The following RGS12 variants were observed in gnomAD, a reference collection of about 807,000 sequenced individuals.
RGS12 encodes the protein regulator of G-protein signaling 12.
RGS12 carries 66 observed loss-of-function variants against 120.1 expected under a neutral mutation model. The observed-to-expected ratio is 0.55, with a 90% confidence interval of 0.45 to 0.67. RGS12 has a LOEUF of 0.67. RGS12 is among the 30% of genes least tolerant of loss of function. RGS12 has a pLI of 0.00. For synonymous variants in RGS12, 827 were observed against 804.7 expected (o/e 1.03, Z -0.47); for missense variants, 1,859 against 1,957.7 (o/e 0.95, Z 0.95).
At chr4:3,430,977 TCCA>T in intron 17 of RGS12, 22 bp downstream of exon 17, 1 of 1,609,762 alleles carries the variant, frequency 6.2e-7, no homozygotes, top group Non-Finnish European at 8.5e-7. Flanking sequence ...TTCTGATCCC[TCCA>T]CCTTGGCCCC....
At chr4:3,364,563 C>G (rs1716102557) in intron 3 of RGS12, among the ~76,000 whole-genome samples, 1 of 151,964 alleles carries the variant, frequency 6.6e-6, no homozygotes, top group Admixed American at 6.6e-5. Flanking sequence ...GCTCGTGGCC[C>G]CCGGAAACGA....
At position 3,326,359 on chromosome 4, in the gene RGS12, G is replaced by A. The variant is rs1053726373; in HGVS notation, c.1881+8308G>A. Among the ~76,000 whole-genome samples the A allele has an allele frequency of 5.3e-5, 8 of 152,084 alleles. No homozygotes were observed. In the East Asian group the frequency reaches 7.7e-4, roughly 15 times the overall value. On this transcript the variant is annotated intron_variant, in intron 2 of 17. Transcript: ENST00000336727. ...ACTCTTGGACTCAAGGGATCCTCCC[G>A]CCTCAGCCTCCCAAGTAGCTAGAAC...
chr4:3,373,735 GC>G (rs1717312892), intron 3 of RGS12, among the ~76,000 whole-genome samples: 1 of 152,170 alleles, frequency 6.6e-6, no homozygotes, highest in African/African-American at 2.4e-5. Context: ...GACCTCTGTT[GC>G]CCTGAGCCTG....
chr4:3,358,970 CCT>C (rs1491148559), intron 3 of RGS12, among the ~76,000 whole-genome samples: 1 of 73,194 alleles, frequency 1.4e-5, no homozygotes, highest in African/African-American at 5.7e-5. Context: ...CTCCTCCTCC[CCT>C]CCTCCCTCTC....
Position 3,389,894 on chromosome 4 carries a change from G to A in RGS12, c.2020+3457G>A, listed in dbSNP as rs1719302242. ...CCCTGGGGACCCCCGACACGTACTA[G>A]TCGCAGTCCTCCATCCCCATGTCCT... On this transcript the variant is annotated intron_variant, in intron 4 of 17. Coordinates refer to ENST00000336727, the MANE Select transcript of RGS12 (RefSeq NM_001394154.1). This position sits in a 1 kb window ranked among gnomAD's most constrained non-coding sequence, Gnocchi z 5.2. Among the ~76,000 whole-genome samples the A allele has an allele frequency of 6.6e-6, 1 of 152,148 alleles. No homozygotes were observed.
chr4:3,358,316 G>A (rs1486174341), intron 3 of RGS12, among the ~76,000 whole-genome samples: 1 of 152,068 alleles, frequency 6.6e-6, no homozygotes, highest in Non-Finnish European at 1.5e-5. Flanking sequence ...CAGTTTGGGG[G>A]CCTTTCATTT....
At chr4:3,343,208 T>C in intron 3 of RGS12, 155 bp downstream of exon 3, 1 of 601,166 alleles carries the variant, frequency 1.7e-6, no homozygotes, top group Non-Finnish European at 3.0e-6. Context: ...CAGCGTCCCA[T>C]GCACATTTGG....
chr4:3,420,959 A>G (rs957199803), intron 10 of RGS12, among the ~76,000 whole-genome samples: 5 of 152,240 alleles, frequency 3.3e-5, no homozygotes, highest in South Asian at 2.1e-4. Flanking sequence ...ACGAAAAACT[A>G]TTAGTTATAC....
chr4:3,402,393 A>G (rs940439326), intron 4 of RGS12, among the ~76,000 whole-genome samples: 1 of 152,014 alleles, frequency 6.6e-6, no homozygotes, highest in Non-Finnish European at 1.5e-5. Context: ...TTATGCTTTT[A>G]CACACTCAGG....
chr4:3,392,919 C>T (rs1719654704), intron 4 of RGS12, among the ~76,000 whole-genome samples: 1 of 152,168 alleles, frequency 6.6e-6, no homozygotes, highest in Non-Finnish European at 1.5e-5. Context: ...ACTCAGGAGG[C>T]AGAGGTTGTA....
Position 3,372,991 on chromosome 4 carries a change from G to T in RGS12, c.1999-13425G>T, listed in dbSNP as rs1469120690. ...GAAGGGCAGGAGGGAGGAGGCGTGG[G>T]AGCTGGTGCAGTCTGCGGCCCGGCG... On this transcript the variant is annotated intron_variant, in intron 3 of 17. Transcript: ENST00000336727. This position sits in a 1 kb window ranked among gnomAD's most constrained non-coding sequence, Gnocchi z 4.3. Among the ~76,000 whole-genome samples the T allele has an allele frequency of 2.0e-5, 3 of 152,220 alleles. No individual in the cohort carries two copies. Among genetic ancestry groups the T allele is most frequent in the Non-Finnish European group, 2.9e-5 (2 of 68,032 alleles).
At chr4:3,384,218 G>A (rs920528652) in intron 3 of RGS12, among the ~76,000 whole-genome samples, 5 of 152,088 alleles carry the variant, frequency 3.3e-5, no homozygotes, top group African/African-American at 1.2e-4. Context: ...GTAGTGGCAC[G>A]ATCTCGGCTC....
At position 3,433,720 on chromosome 4, in the gene RGS12, A is replaced by G. The variant is rs1030621915; in HGVS notation, c.4114+2765A>G. Among the ~76,000 whole-genome samples the G allele has an allele frequency of 1.3e-5, 2 of 148,410 alleles. No homozygotes were observed. Among genetic ancestry groups the G allele is most frequent in the Non-Finnish European group, 3.0e-5 (2 of 67,330 alleles). ...TTCTAGCCTCAGCGTCATGCACCGC[A>G]CCGCCCCATGCTTCTAGCCCCAGCG... On this transcript the variant is annotated intron_variant, in intron 17 of 17. Transcript: ENST00000336727. This position sits in a 1 kb window ranked among gnomAD's most constrained non-coding sequence, Gnocchi z 4.4.
In RGS12 at chr4:3,317,076, C is replaced by T. The variant is rs761543679; in HGVS notation, c.906C>T (p.Ser302=). 1.2e-5 allele frequency: 20 copies of T among 1,613,578 alleles called. No homozygotes were observed. In the South Asian group the frequency reaches 1.6e-4, roughly 13 times the overall value. The change falls in exon 2 of 18, where the codon AGC becomes AGT. Residue 302 remains serine, a synonymous_variant. Transcript: ENST00000336727. ...AEYPAEKLAF[S]AVCPDDRRFF... ...ACCCGGCCGAGAAGCTGGCCTTCAG[C>T]GCCGTGTGCCCGGACGACCGGCGAT...
At position 3,354,312 on chromosome 4, in the gene RGS12, G is replaced by A. The variant is rs1714661696; in HGVS notation, c.1998+11259G>A. On this transcript the variant is annotated intron_variant, in intron 3 of 17. Coordinates refer to ENST00000336727, the MANE Select transcript of RGS12 (RefSeq NM_001394154.1). The stretch of plus-strand genomic sequence containing the variant: ...GCTCTGCCATGTCTGCCTTCTGGCT[G>A]TAGGGGATTAGGGCTTTATTAGATT... 3.3e-5 allele frequency among the ~76,000 whole-genome samples: 5 copies of A among 152,156 alleles called. No individual in the cohort carries two copies. In the South Asian group the frequency reaches 1.0e-3, roughly 32 times the overall value.
intron 2 of RGS12, among the ~76,000 whole-genome samples, chr4:3,337,517 G>A (rs761319088): frequency 1.6e-4 from 25 of 152,276 alleles, no homozygotes; most frequent in Non-Finnish European, 2.2e-4. Context: ...CATCCATACC[G>A]CGGAATATTA....
chr4:3,400,937 A>G (rs919265878), intron 4 of RGS12, among the ~76,000 whole-genome samples: 2 of 151,912 alleles, frequency 1.3e-5, no homozygotes, highest in African/African-American at 4.8e-5. Flanking sequence ...CTGTTTTAAC[A>G]TTGTATTGAG....
intron 17 of RGS12, among the ~76,000 whole-genome samples, chr4:3,432,542 A>G (rs1036714781): frequency 1.3e-5 from 2 of 152,202 alleles, no homozygotes; most frequent in African/African-American, 4.8e-5. Context: ...GGAGGGCCAG[A>G]CAGACCCACG....
chr4:3,381,156 A>G (rs1264392293), intron 3 of RGS12, among the ~76,000 whole-genome samples: 1 of 151,338 alleles, frequency 6.6e-6, no homozygotes, highest in Non-Finnish European at 1.5e-5. Context: ...AGGAGTGACC[A>G]TTACTCTACT....
Sources: allele counts gnomAD v4.1 joint callset (sites outside exome capture counted in the v4.1 genomes callset), GRCh38; gene constraint gnomAD v4.1.1; non-coding constraint Gnocchi (gnomAD v3.1); transcripts MANE v1.5; gene names NCBI Gene and HGNC (gene_info 2026-07-23, HGNC 2026-07-21).